Variants in PCDH15 observed in about 807,000 individuals in gnomAD.
PCDH15 encodes the protein protocadherin related 15.
Under a neutral mutation model 178.5 loss-of-function variants are expected in PCDH15, and 129 were observed. The ratio of observed to expected loss-of-function variants is 0.72; its 90% CI spans 0.63 to 0.84. PCDH15 has a LOEUF of 0.84. Ranked by LOEUF, PCDH15 falls within the 40% of genes least tolerant of loss-of-function variation. The probability of loss-of-function intolerance (pLI) is 0.00; values close to 1 mark genes in which losing one functional copy is unlikely to be tolerated. For missense variants in PCDH15, 2,230 were observed against 2,099.9 expected (o/e 1.06, Z -1.21); for synonymous variants, 800 against 732.0 (o/e 1.09, Z -1.50).
chr10:55,604,542 T>C (rs1418288472), intron 2 of PCDH15, among the ~76,000 whole-genome samples: 1 of 140,554 alleles, frequency 7.1e-6, no homozygotes, highest in African/African-American at 2.6e-5. Context: ...TATAACAAAC[T>C]ATCTCTCAGA....
chr10:55,038,874 C>T (rs889276082), intron 2 of PCDH15, among the ~76,000 whole-genome samples: 6 of 152,140 alleles, frequency 3.9e-5, no homozygotes, highest in African/African-American at 1.4e-4. Flanking sequence ...TGTAAAAATT[C>T]TCTGACCTTA....
At chr10:54,622,583 A>AAT (rs1341190267) in intron 2 of PCDH15, among the ~76,000 whole-genome samples, 1 of 45,032 alleles carries the variant, frequency 2.2e-5, no homozygotes, top group Non-Finnish European at 4.4e-5. Flanking sequence ...ATATATATAT[A>AAT]ATATATATAA....
At chr10:54,178,028 A>G (rs2047613318) in intron 13 of PCDH15, among the ~76,000 whole-genome samples, 1 of 152,104 alleles carries the variant, frequency 6.6e-6, no homozygotes, top group Non-Finnish European at 1.5e-5. Flanking sequence ...GAAAAAGAGA[A>G]GAAGTATATA....
intron 8 of PCDH15, among the ~76,000 whole-genome samples, chr10:54,249,731 A>G (rs910559415): frequency 1.3e-5 from 2 of 151,300 alleles, no homozygotes; most frequent in Non-Finnish European, 2.9e-5. Flanking sequence ...TTATGTGAAT[A>G]TCAAATTATC....
chr10:54,925,790 T>G (rs1016045138), intron 2 of PCDH15, among the ~76,000 whole-genome samples: 2 of 152,186 alleles, frequency 1.3e-5, no homozygotes, highest in Admixed American at 1.3e-4. Flanking sequence ...TGTATGTTTA[T>G]TTTGTATCCT....
chr10:55,467,062 T>C (rs1014871921), intron 2 of PCDH15, among the ~76,000 whole-genome samples: 1 of 152,214 alleles, frequency 6.6e-6, no homozygotes, highest in African/African-American at 2.4e-5. Context: ...TTTATAGGCG[T>C]ATCTGTCATT....
chr10:54,169,513 T>C (rs1469793409), intron 13 of PCDH15, among the ~76,000 whole-genome samples: 2 of 142,360 alleles, frequency 1.4e-5, no homozygotes, highest in African/African-American at 2.6e-5. Context: ...GTTCCCTTAT[T>C]AGGCTGTGAC....
intron 2 of PCDH15, among the ~76,000 whole-genome samples, chr10:55,396,013 G>T (rs1171271677): frequency 6.6e-6 from 1 of 151,978 alleles, no homozygotes; most frequent in African/African-American, 2.4e-5. Context: ...AGCTAGCATA[G>T]TAATACAATT....
intron 8 of PCDH15, among the ~76,000 whole-genome samples, chr10:54,268,263 TA>T (rs961232518): frequency 1.3e-5 from 2 of 151,788 alleles, no homozygotes; most frequent in African/African-American, 4.8e-5. Flanking sequence ...TCTGACCATA[TA>T]AAAAAATTAA....
intron 18 of PCDH15, 87 bp downstream of exon 18, chr10:54,066,670 A>AAAT: frequency 1.0e-5 from 14 of 1,340,086 alleles, no homozygotes; most frequent in Non-Finnish European, 1.5e-5. Context: ...AGATTACATT[A>AAAT]GCTGAGTTTC....
At chr10:54,424,317 G>A (rs1034497393) in intron 3 of PCDH15, among the ~76,000 whole-genome samples, 1 of 151,756 alleles carries the variant, frequency 6.6e-6, no homozygotes, top group African/African-American at 2.4e-5. Flanking sequence ...AGATACCTTC[G>A]CATACCAGTT....
intron 2 of PCDH15, among the ~76,000 whole-genome samples, chr10:55,009,351 AC>A (rs2131940834): frequency 6.6e-6 from 1 of 152,148 alleles, no homozygotes; most frequent in Admixed American, 6.6e-5. Context: ...AGGTTATAAT[AC>A]TTGAAAGGAT....
At chr10:55,366,988 G>A (rs575201369) in intron 2 of PCDH15, among the ~76,000 whole-genome samples, 3 of 151,582 alleles carry the variant, frequency 2.0e-5, no homozygotes, top group South Asian at 2.1e-4. Context: ...GAGAGTTAGA[G>A]GTAGGGTGTT....
chr10:55,178,172 C>T lies in PCDH15; in HGVS notation c.-155-11521G>A, dbSNP rs573417862. Among the ~76,000 whole-genome samples the T allele has an allele frequency of 7.9e-5, 12 of 152,198 alleles. No homozygotes were observed. In the South Asian group the frequency reaches 2.1e-3, roughly 26 times the overall value. On this transcript the variant is annotated intron_variant, in intron 1 of 5. Coordinates refer to the PCDH15 transcript ENST00000458638. ...CAGACTATTATTCTAGGTTTTCCTT[C>T]CATTGGCAGTGGCATTGATACATTG...
intron 6 of PCDH15, among the ~76,000 whole-genome samples, chr10:54,330,545 A>T (rs1939284002): frequency 6.6e-6 from 1 of 151,282 alleles, no homozygotes; most frequent in Non-Finnish European, 1.5e-5. Context: ...AACTTGAATC[A>T]GTTCATTATT....
At chr10:53,871,356 C>T (rs939928736) in intron 26 of PCDH15, among the ~76,000 whole-genome samples, 3 of 151,264 alleles carry the variant, frequency 2.0e-5, no homozygotes, top group African/African-American at 4.9e-5. Flanking sequence ...AACAAAACAA[C>T]AAAACTAATA....
intron 23 of PCDH15, among the ~76,000 whole-genome samples, chr10:53,952,700 T>C (rs1316431093): frequency 3.3e-5 from 5 of 152,206 alleles, no homozygotes; most frequent in Admixed American, 3.3e-4. Flanking sequence ...CTGCCATTCA[T>C]GGCACCCAGG....
chr10:54,360,041 G>A (rs2583037), intron 5 of PCDH15, among the ~76,000 whole-genome samples: 5,521 of 151,960 alleles, frequency 0.036, 323 homozygotes, highest in African/African-American at 0.12. Flanking sequence ...TTATGTTTTC[G>A]TCTGAATAAA....
At chr10:55,612,163 A>C (rs1377703186) in intron 2 of PCDH15, among the ~76,000 whole-genome samples, 2 of 152,132 alleles carry the variant, frequency 1.3e-5, no homozygotes, top group Non-Finnish European at 2.9e-5. Context: ...AATTGCTAAA[A>C]GAGTATATTT....
Sources: allele counts gnomAD v4.1 joint callset (sites outside exome capture counted in the v4.1 genomes callset), GRCh38; gene constraint gnomAD v4.1.1; transcripts MANE v1.5; gene names NCBI Gene and HGNC (gene_info 2026-07-23, HGNC 2026-07-21).